CDH23: variants seen among roughly 807,000 people sequenced by gnomAD.
CDH23 encodes the protein cadherin related 23, also known as cadherin-23.
In CDH23, 189 loss-of-function variants were observed where a neutral mutation model predicts 317.1. The observed-to-expected ratio is 0.60, with a 90% CI of 0.53 to 0.67. The LOEUF (loss-of-function observed/expected upper bound fraction) is 0.67. CDH23 is among the 30% of genes least tolerant of loss of function. The pLI, the probability that CDH23 is intolerant of heterozygous loss-of-function variation, is 0.00. For synonymous variants in CDH23, 1,839 were observed against 1,876.8 expected (o/e 0.98, Z 0.52); for missense variants, 4,401 against 4,592.4 (o/e 0.96, Z 1.20).
intron 18 of CDH23, among the ~76,000 whole-genome samples, chr10:71,684,801 G>T (rs1481435180): frequency 6.6e-6 from 1 of 152,240 alleles, no homozygotes; most frequent in Non-Finnish European, 1.5e-5. Context: ...ATGCTGGAGA[G>T]GGTAAGAGTA....
chr10:71,455,622 G>T (rs369997662), intron 3 of CDH23, among the ~76,000 whole-genome samples: 31 of 152,282 alleles, frequency 2.0e-4, no homozygotes, highest in African/African-American at 6.3e-4. Flanking sequence ...ATTCTAGAGC[G>T]GGGAGCAGGC....
At chr10:71,734,738 T>C in intron 34 of CDH23, 80 bp downstream of exon 34, 1 of 907,650 alleles carries the variant, frequency 1.1e-6, no homozygotes, top group Non-Finnish European at 1.7e-6. Context: ...GCCCTGGACC[T>C]TCCCACCTCT....
chr10:71,767,043 A>G (rs1310908341), intron 38 of CDH23, among the ~76,000 whole-genome samples: 1 of 152,232 alleles, frequency 6.6e-6, no homozygotes, highest in African/African-American at 2.4e-5. Flanking sequence ...GGCTGTGGGG[A>G]TGCAGAGTTC....
intron 11 of CDH23, among the ~76,000 whole-genome samples, chr10:71,643,133 A>C (rs1862644580): frequency 6.6e-6 from 1 of 152,212 alleles, no homozygotes; most frequent in South Asian, 2.1e-4. Flanking sequence ...AATCACCAAG[A>C]TGTAGTTCTA....
At chr10:71,571,209 G>T (rs1377621388) in intron 8 of CDH23, among the ~76,000 whole-genome samples, 2 of 152,232 alleles carry the variant, frequency 1.3e-5, no homozygotes, top group Admixed American at 6.5e-5. Context: ...GAGGGATGGG[G>T]ATCCCATGGA....
intron 1 of CDH23, among the ~76,000 whole-genome samples, chr10:71,434,216 C>T (rs536513489): frequency 6.6e-6 from 1 of 152,212 alleles, no homozygotes; most frequent in Non-Finnish European, 1.5e-5. Context: ...TATGTCACCT[C>T]CCCAGTGACC....
At chr10:71,661,563 T>C (rs2132632926) in intron 14 of CDH23, among the ~76,000 whole-genome samples, 1 of 152,194 alleles carries the variant, frequency 6.6e-6, no homozygotes, top group East Asian at 1.9e-4. Flanking sequence ...ATAAATGAGA[T>C]AGGCGGCTCT....
intron 7 of CDH23, among the ~76,000 whole-genome samples, chr10:71,568,856 C>T (rs938615304): frequency 2.0e-5 from 3 of 152,186 alleles, no homozygotes; most frequent in Non-Finnish European, 4.4e-5. Context: ...CCCCTTTCCC[C>T]ACCACAGAGT....
chr10:71,622,621 C>A (rs1044790535), intron 11 of CDH23, among the ~76,000 whole-genome samples: 1 of 152,162 alleles, frequency 6.6e-6, no homozygotes, highest in Non-Finnish European at 1.5e-5. Flanking sequence ...ATGCACGACC[C>A]CTCCCCGCTG....
intron 28 of CDH23, among the ~76,000 whole-genome samples, chr10:71,718,103 TAGC>T (rs1214151180): frequency 6.6e-6 from 1 of 152,184 alleles, no homozygotes; most frequent in Non-Finnish European, 1.5e-5. Flanking sequence ...GGGTGGGGGA[TAGC>T]AGATTTTCCT....
intron 43 of CDH23, 107 bp from the exon 44 acceptor site, chr10:71,785,524 A>C (rs939760173): frequency 1.5e-5 from 11 of 750,946 alleles, no homozygotes; most frequent in African/African-American, 5.2e-5. Context: ...CTTCTAGATC[A>C]TCTCTTAGGC....
chr10:71,533,577 G>T, intron 6 of CDH23, among the ~76,000 whole-genome samples: 1 of 122,492 alleles, frequency 8.2e-6, no homozygotes, highest in African/African-American at 3.2e-5. Context: ...ACACTGGCTG[G>T]GGCTGCAGAG....
chr10:71,459,113 G>T (rs1850847995), intron 3 of CDH23, among the ~76,000 whole-genome samples: 1 of 120,270 alleles, frequency 8.3e-6, no homozygotes, highest in South Asian at 2.9e-4. Flanking sequence ...TGTGAGATAG[G>T]GTCTTGCTCT....
At position 71,807,727 on chromosome 10, in the gene CDH23, C is replaced by T. The variant is rs757038127; in HGVS notation, c.8520C>T (p.Asn2840=). The T allele has an allele frequency of 9.9e-6, 16 of 1,609,388 alleles. No homozygotes were observed. The highest frequency in any genetic ancestry group is 4.4e-5 in the South Asian group (4 of 90,280). ...QEVRVVLEDI[N]DQPPRFTKAE... ...TGCGCGTTGTGCTAGAGGACATCAACGACCAGCCACCACGCTTCACCAAGG... is the reference window on the plus strand; with the variant it reads ...TGCGCGTTGTGCTAGAGGACATCAATGACCAGCCACCACGCTTCACCAAGG... The change falls in exon 59 of 70, where the codon AAC becomes AAT. Residue 2840 remains asparagine, a synonymous_variant. Transcript: ENST00000224721.
At chr10:71,664,875 T>C (rs1449342497) in intron 14 of CDH23, among the ~76,000 whole-genome samples, 1 of 150,078 alleles carries the variant, frequency 6.7e-6, no homozygotes, top group Non-Finnish European at 1.5e-5. Context: ...TTCCTTTCTC[T>C]CCTTCTCCCT....
In CDH23 at chr10:71,777,544, C is replaced by A. The variant is rs796106275; in HGVS notation, c.4846-136C>A. The A allele has an allele frequency of 1.5e-5, 11 of 734,062 alleles. No homozygotes were observed. The African/African-American group carries it at 1.7e-4, about 12-fold the overall frequency. 45.5% of individuals were successfully genotyped at this position (734,062 alleles called of 1,614,324 possible). A position where few individuals can be genotyped will look rare whatever the true frequency, so the allele number is the denominator to read the frequency against. Reference sequence around the variant, plus strand: ...CTTTCTCTCTCTACCAGCCTGTGACCCACCCCCTGCTTTCTTCTCCTTGCC... The same window carrying A: ...CTTTCTCTCTCTACCAGCCTGTGACACACCCCCTGCTTTCTTCTCCTTGCC... On this transcript the variant is annotated intron_variant, in intron 38 of 69. Coordinates refer to ENST00000224721, the MANE Select transcript of CDH23 (RefSeq NM_022124.6).
intron 1 of CDH23, among the ~76,000 whole-genome samples, chr10:71,420,791 T>C (rs1372230025): frequency 6.6e-6 from 1 of 152,114 alleles, no homozygotes; most frequent in Non-Finnish European, 1.5e-5. Flanking sequence ...CAAGCTCACA[T>C]AGCAAGTTTG....
At chr10:71,610,962 C>T (rs537900802) in intron 9 of CDH23, among the ~76,000 whole-genome samples, 1 of 152,196 alleles carries the variant, frequency 6.6e-6, no homozygotes, top group Non-Finnish European at 1.5e-5. Context: ...ACTCCCCGAC[C>T]CTGGAACTCA....
chr10:71,417,117 C>T (rs1401461510), intron 1 of CDH23, among the ~76,000 whole-genome samples: 1 of 150,748 alleles, frequency 6.6e-6, no homozygotes, highest in East Asian at 1.9e-4. Context: ...GCTCTGTCAC[C>T]CAGGCTGGAG....
Sources: allele counts gnomAD v4.1 joint callset (sites outside exome capture counted in the v4.1 genomes callset), GRCh38; gene constraint gnomAD v4.1.1; transcripts MANE v1.5; gene names NCBI Gene and HGNC (gene_info 2026-07-23, HGNC 2026-07-21).